Variants in MAML2 observed in about 807,000 individuals in gnomAD.
MAML2 encodes mastermind like transcriptional coactivator 2, also known as mastermind-like protein 2.
A neutral mutation model predicts 96.1 loss-of-function variants in MAML2; 22 were observed. That is an observed-to-expected ratio of 0.23 (90% confidence interval 0.16 to 0.33). MAML2 has a LOEUF of 0.33. MAML2 is among the 10% of genes least tolerant of loss of function. The probability of loss-of-function intolerance (pLI) is 1.00; values close to 1 mark genes in which losing one functional copy is unlikely to be tolerated. For missense variants in MAML2, 1,367 were observed against 1,392.4 expected, an observed-to-expected ratio of 0.98 and a Z score of 0.29; for synonymous variants, 561 against 521.3, an observed-to-expected ratio of 1.08 and a Z score of -1.04.
chr11:96,299,192 C>T (rs1284812505), intron 1 of MAML2, among the ~76,000 whole-genome samples: 2 of 149,836 alleles, frequency 1.3e-5, no homozygotes, highest in East Asian at 3.9e-4. Flanking sequence ...CCCAAATTCA[C>T]AAAGTGGTAG....
chr11:96,123,009 T>C, intron 1 of MAML2, among the ~76,000 whole-genome samples: 1 of 152,242 alleles, frequency 6.6e-6, no homozygotes, highest in East Asian at 1.9e-4. Context: ...TGAATCCATC[T>C]ATTCAAAACC....
chr11:96,135,119 A>C (rs974961380), intron 1 of MAML2, among the ~76,000 whole-genome samples: 2 of 152,264 alleles, frequency 1.3e-5, no homozygotes, highest in Admixed American at 6.5e-5. Flanking sequence ...CACAGTCCTC[A>C]TGAATGAGTT....
At chr11:96,041,870 C>T (rs1326722428) in intron 2 of MAML2, among the ~76,000 whole-genome samples, 2 of 152,024 alleles carry the variant, frequency 1.3e-5, no homozygotes, top group African/African-American at 2.4e-5. Context: ...AGTGCAATGG[C>T]GCATCTCGGC....
intron 1 of MAML2, among the ~76,000 whole-genome samples, chr11:96,243,498 G>A (rs1466257594): frequency 3.3e-5 from 5 of 152,188 alleles, no homozygotes; most frequent in Admixed American, 6.5e-5. Flanking sequence ...GACCCCAGCC[G>A]CGCGGCTCAG....
At chr11:96,041,515 G>GGGAAGGAAGGAAA (rs1858810065) in intron 2 of MAML2, among the ~76,000 whole-genome samples, 1 of 76,004 alleles carries the variant, frequency 1.3e-5, no homozygotes, top group South Asian at 7.1e-4. Flanking sequence ...AAGGAAGGAA[G>GGGAAGGAAGGAAA]GGAAGGAAGG....
Position 96,326,094 on chromosome 11 carries a change from GCC to G in MAML2, c.513+15287_513+15288del, listed in dbSNP as rs113693304. Among the ~76,000 whole-genome samples the G allele has an allele frequency of 1.1e-4, 7 of 61,890 alleles. No homozygotes were observed. The South Asian group carries it at 1.3e-3, about 11-fold the overall frequency. 40.6% of individuals were successfully genotyped at this position (61,890 alleles called of 152,430 possible). Reference sequence around the variant, plus strand: ...TGTTTGTTTACTCTCTGTCTACCCCGCCCCCCCCCCATTAAAATGTAAACTCC... The same window carrying G: ...TGTTTGTTTACTCTCTGTCTACCCCGCCCCCCCCATTAAAATGTAAACTCC... On this transcript the variant is annotated intron_variant, in intron 1 of 4. Coordinates refer to ENST00000524717, the MANE Select transcript of MAML2 (RefSeq NM_032427.4).
chr11:96,037,060 C>T (rs751057901), intron 2 of MAML2, among the ~76,000 whole-genome samples: 9 of 152,198 alleles, frequency 5.9e-5, no homozygotes, highest in Admixed American at 3.3e-4. Context: ...CGGGAGCCAA[C>T]GCACCTGGGC....
chr11:96,221,555 AGGATAAAATAT>A (rs1205241470), intron 1 of MAML2, among the ~76,000 whole-genome samples: 1 of 152,214 alleles, frequency 6.6e-6, no homozygotes, highest in African/African-American at 2.4e-5. Flanking sequence ...TTCAATCATA[AGGATAAAATAT>A]GGACAACTAT....
chr11:95,983,246 G>GTGTT (rs1175199785), intron 4 of MAML2, among the ~76,000 whole-genome samples: 4 of 151,950 alleles, frequency 2.6e-5, no homozygotes, highest in African/African-American at 4.8e-5. Context: ...GTGTTTGTGT[G>GTGTT]TGTTTGTGTC....
intron 1 of MAML2, among the ~76,000 whole-genome samples, chr11:96,151,908 A>C (rs1299883154): frequency 1.3e-5 from 2 of 152,210 alleles, no homozygotes; most frequent in Non-Finnish European, 2.9e-5. Flanking sequence ...ACATATTTTT[A>C]AGATAAATTG....
At chr11:96,003,428 C>CT (rs34985427) in intron 2 of MAML2, among the ~76,000 whole-genome samples, 35,906 of 151,840 alleles carry the variant, frequency 0.24, 4,555 homozygotes, top group East Asian at 0.39. Context: ...CAGAACTTGT[C>CT]TTTTTTCCCC....
intron 1 of MAML2, among the ~76,000 whole-genome samples, chr11:96,328,683 T>TA (rs1863817006): frequency 6.6e-6 from 1 of 152,182 alleles, no homozygotes; most frequent in Non-Finnish European, 1.5e-5. Flanking sequence ...GGAAAATTTT[T>TA]CTTTGTTGGT....
In MAML2 at chr11:96,215,176, AAGTTGAAAAGAGGGTGGGCT is replaced by A. The variant is rs1366987243; in HGVS notation, c.514-121679_514-121660del. Among the ~76,000 whole-genome samples the A allele has an allele frequency of 2.0e-5, 3 of 152,216 alleles. No individual in the cohort carries two copies. The East Asian group carries it at 5.8e-4, about 29-fold the overall frequency. On this transcript the variant is annotated intron_variant, in intron 1 of 4. Transcript: ENST00000524717. ...TGAATTGGCCACTTACATTTGTACA[AAGTTGAAAAGAGGGTGGGCT>A]GGGGAATGGGGTAATTCCAACTCAG... is the stretch of plus-strand genomic sequence containing the variant.
At chr11:96,121,101 C>T (rs1860332681) in intron 1 of MAML2, among the ~76,000 whole-genome samples, 1 of 151,786 alleles carries the variant, frequency 6.6e-6, no homozygotes, top group African/African-American at 2.4e-5. Context: ...GTGAAGGATA[C>T]TTTGGATGCT....
chr11:96,296,440 G>A (rs989382649), intron 1 of MAML2, among the ~76,000 whole-genome samples: 2 of 152,072 alleles, frequency 1.3e-5, no homozygotes, highest in African/African-American at 2.4e-5. Flanking sequence ...CTAGGAGTTC[G>A]AGACCAGCCT....
intron 1 of MAML2, among the ~76,000 whole-genome samples, chr11:96,134,186 C>A (rs79876992): frequency 0.044 from 6,716 of 152,200 alleles, 530 homozygotes; most frequent in African/African-American, 0.15. Context: ...AGCTAAGTGG[C>A]AGGACACAGG....
At chr11:96,059,978 G>T (rs1191240913) in intron 2 of MAML2, among the ~76,000 whole-genome samples, 3 of 152,182 alleles carry the variant, frequency 2.0e-5, no homozygotes, top group Non-Finnish European at 4.4e-5. Context: ...AGGTGCTGGG[G>T]GATCCTAACA....
At chr11:96,214,335 C>T (rs1862017355) in intron 1 of MAML2, among the ~76,000 whole-genome samples, 1 of 152,202 alleles carries the variant, frequency 6.6e-6, no homozygotes, top group Non-Finnish European at 1.5e-5. Context: ...AGCACGTCCT[C>T]TTAGAGCTCT....
At position 96,135,974 on chromosome 11, in the gene MAML2, G is replaced by T. The variant is rs375058123; in HGVS notation, c.514-42457C>A. Among the ~76,000 whole-genome samples the T allele has an allele frequency of 3.1e-3, 468 of 152,124 alleles. 5 individuals carry two copies. The highest frequency in any genetic ancestry group is 0.011 in the African/African-American group (444 of 41,498). On this transcript the variant is annotated intron_variant, in intron 1 of 4. Transcript: ENST00000524717. ...ATTTTTGTTGAAATGAATTAATTTT[G>T]AACTAAACTTTAGTAACTAATCCCA... is the stretch of plus-strand genomic sequence containing the variant.
Sources: allele counts gnomAD v4.1 joint callset (sites outside exome capture counted in the v4.1 genomes callset), GRCh38; gene constraint gnomAD v4.1.1; transcripts MANE v1.5; gene names NCBI Gene and HGNC (gene_info 2026-07-23, HGNC 2026-07-21).